GABRA3: variants seen among roughly 807,000 people sequenced by gnomAD.
The protein encoded by GABRA3 is gamma-aminobutyric acid receptor subunit alpha-3.
GABRA3 carries 10 observed loss-of-function variants against 30.1 expected under a neutral mutation model. The observed-to-expected ratio is 0.33, with a 90% CI of 0.20 to 0.56. The LOEUF is 0.56. GABRA3 is among the 20% of genes least tolerant of loss of function. The pLI is 0.89. For missense variants in GABRA3, 233 were observed against 392.0 expected (o/e 0.59, Z 3.42); for synonymous variants, 151 against 146.8 (o/e 1.03, Z -0.21).
intron 1 of GABRA3, among the ~76,000 whole-genome samples, chrX:152,411,570 A>C (rs2124530245): frequency 8.9e-6 from 1 of 111,745 alleles, no homozygotes; most frequent in African/African-American, 3.2e-5. Flanking sequence ...TGCAAAATTT[A>C]ACTCAAACTC....
intron 2 of GABRA3, among the ~76,000 whole-genome samples, chrX:152,348,063 T>G (rs1302546553): frequency 1.4e-4 from 16 of 112,128 alleles, no homozygotes; most frequent in Non-Finnish European, 2.6e-4. Context: ...CAATATATTG[T>G]TCTATGGTTT....
At chrX:152,368,137 T>G (rs1336170383) in intron 1 of GABRA3, among the ~76,000 whole-genome samples, 1 of 111,724 alleles carries the variant, frequency 9.0e-6, no homozygotes, top group African/African-American at 3.3e-5. Flanking sequence ...AATCCTCCCA[T>G]TTCTTCCCAT....
At chrX:152,402,074 T>A (rs1929808485) in intron 1 of GABRA3, among the ~76,000 whole-genome samples, 4 of 112,083 alleles carry the variant, frequency 3.6e-5, no homozygotes, top group Admixed American at 1.9e-4. Context: ...CAGCATGATA[T>A]CTGAAGCTAG....
At chrX:152,348,195 C>A (rs1940420460) in intron 2 of GABRA3, among the ~76,000 whole-genome samples, 1 of 110,749 alleles carries the variant, frequency 9.0e-6, no homozygotes, top group African/African-American at 3.3e-5. Flanking sequence ...CAACGTGATC[C>A]TATAGTTTGA....
intron 6 of GABRA3, among the ~76,000 whole-genome samples, chrX:152,213,983 T>A (rs184394137): frequency 9.5e-4 from 106 of 111,355 alleles, no homozygotes; most frequent in African/African-American, 3.4e-3. Context: ...ACTGATATAT[T>A]GTGTAGTGGA....
chrX:152,272,112 T>A (rs905300141), intron 4 of GABRA3, among the ~76,000 whole-genome samples: 3 of 111,616 alleles, frequency 2.7e-5, no homozygotes, highest in African/African-American at 9.8e-5. Context: ...CTAGTGGAGC[T>A]GTGAGAAGAG....
At chrX:152,321,202 G>C (rs753918104) in intron 3 of GABRA3, among the ~76,000 whole-genome samples, 1 of 111,035 alleles carries the variant, frequency 9.0e-6, no homozygotes, top group Non-Finnish European at 1.9e-5. Flanking sequence ...CCTCACATAC[G>C]GTTAAATAAC....
intron 4 of GABRA3, among the ~76,000 whole-genome samples, chrX:152,263,910 G>A (rs900617978): frequency 1.8e-5 from 2 of 111,914 alleles, no homozygotes; most frequent in Admixed American, 9.5e-5. Flanking sequence ...TTACAGGACA[G>A]GAGAGAATGG....
intron 4 of GABRA3, among the ~76,000 whole-genome samples, chrX:152,262,504 G>A (rs1938748199): frequency 9.0e-6 from 1 of 111,656 alleles, no homozygotes; most frequent in Non-Finnish European, 1.9e-5. Context: ...CTAGGGCAGG[G>A]GCAAAATTTC....
At chrX:152,289,577 T>A (rs1939362654) in intron 3 of GABRA3, among the ~76,000 whole-genome samples, 1 of 110,784 alleles carries the variant, frequency 9.0e-6, no homozygotes, top group Non-Finnish European at 1.9e-5. Flanking sequence ...GCAGGTTTGT[T>A]ACATAGGCAT....
intron 1 of GABRA3, among the ~76,000 whole-genome samples, chrX:152,406,463 CA>C (rs1212987324): frequency 1.5e-4 from 13 of 88,611 alleles, no homozygotes; most frequent in Non-Finnish European, 2.3e-4. Context: ...GATTTCAAGA[CA>C]AAAAAAAAAC....
At chrX:152,400,961 C>T (rs1173761642) in intron 1 of GABRA3, among the ~76,000 whole-genome samples, 1 of 111,450 alleles carries the variant, frequency 9.0e-6, no homozygotes, top group Non-Finnish European at 1.9e-5. Flanking sequence ...CCACGTAAAA[C>T]AGAAGTCTGT....
At chrX:152,439,616 C>T (rs1445918204) in intron 1 of GABRA3, among the ~76,000 whole-genome samples, 1 of 111,346 alleles carries the variant, frequency 9.0e-6, no homozygotes, top group Non-Finnish European at 1.9e-5. Flanking sequence ...ATTTACCTAG[C>T]ATAAATAAAA....
intron 3 of GABRA3, among the ~76,000 whole-genome samples, chrX:152,296,169 A>T (rs180782061): frequency 2.2e-4 from 25 of 111,850 alleles, no homozygotes; most frequent in Admixed American, 2.2e-3. Flanking sequence ...TTGGTGAATA[A>T]GTGCTCATTA....
At chrX:152,350,307 G>C (rs1459394878) in intron 2 of GABRA3, among the ~76,000 whole-genome samples, 3 of 94,082 alleles carry the variant, frequency 3.2e-5, no homozygotes, top group African/African-American at 1.2e-4. Context: ...ATTCAAAGCA[G>C]TGTGTAGAGG....
At chrX:152,206,430 T>A (rs1410640528) in intron 7 of GABRA3, among the ~76,000 whole-genome samples, 3 of 111,770 alleles carry the variant, frequency 2.7e-5, no homozygotes, top group Non-Finnish European at 5.7e-5. Context: ...GGAGGGTGTG[T>A]GAAACCTGCA....
At chrX:152,338,620 G>A (rs772103103) in intron 3 of GABRA3, among the ~76,000 whole-genome samples, 27 of 111,837 alleles carry the variant, frequency 2.4e-4, no homozygotes, top group South Asian at 1.1e-3. Flanking sequence ...CCAACTTCCT[G>A]GAGCATTTCC....
chrX:152,435,291 C>T (rs1930749662), intron 1 of GABRA3, among the ~76,000 whole-genome samples: 1 of 111,179 alleles, frequency 9.0e-6, no homozygotes, highest in Non-Finnish European at 1.9e-5. Flanking sequence ...AAGGTGCATG[C>T]ACACGTTTGT....
chrX:152,423,014 T>G (rs1472111264), intron 1 of GABRA3, among the ~76,000 whole-genome samples: 2 of 111,761 alleles, frequency 1.8e-5, no homozygotes, highest in African/African-American at 3.2e-5. Flanking sequence ...TAAAATAAAT[T>G]AAAAACTTGT....
Sources: allele counts gnomAD v4.1 joint callset (sites outside exome capture counted in the v4.1 genomes callset), GRCh38; gene constraint gnomAD v4.1.1; transcripts MANE v1.5; gene names NCBI Gene and HGNC (gene_info 2026-07-23, HGNC 2026-07-21).